The following FARS2 variants were observed in gnomAD, a reference collection of about 807,000 sequenced individuals.
FARS2 encodes the protein phenylalanine--tRNA ligase, mitochondrial.
Under a neutral mutation model 46.4 loss-of-function variants are expected in FARS2, and 40 were observed. The ratio of observed to expected loss-of-function variants is 0.86; its 90% CI spans 0.67 to 1.12. The LOEUF (loss-of-function observed/expected upper bound fraction) is 1.12, where lower values mean the gene tolerates loss of function less well. Among genes scored for constraint, FARS2 ranks in the 50% most tolerant of loss-of-function variants. The pLI is 0.00. For missense variants in FARS2, 513 were observed against 567.9 expected (o/e 0.90, Z 0.98); for synonymous variants, 234 against 214.9 (o/e 1.09, Z -0.78).
chr6:5,382,458 T>C (rs1759852704), intron 2 of FARS2, among the ~76,000 whole-genome samples: 1 of 152,246 alleles, frequency 6.6e-6, no homozygotes, highest in Admixed American at 6.5e-5. Context: ...ATGATTTTTA[T>C]TTAAACTTTA....
chr6:5,677,513 C>T (rs1428876171), intron 6 of FARS2, among the ~76,000 whole-genome samples: 1 of 152,316 alleles, frequency 6.6e-6, no homozygotes, highest in Non-Finnish European at 1.5e-5. Context: ...AAATACTTTC[C>T]AACAATCAGA....
chr6:5,371,026 T>A (rs989213982), intron 2 of FARS2: 7 of 174,592 alleles, frequency 4.0e-5, no homozygotes, highest in Non-Finnish European at 6.8e-5. Context: ...TACCCAAAGT[T>A]GCTGAAGCAG....
chr6:5,532,537 G>A (rs182548654), intron 4 of FARS2, among the ~76,000 whole-genome samples: 39 of 152,270 alleles, frequency 2.6e-4, no homozygotes, highest in Non-Finnish European at 4.4e-4. Context: ...GGATCACAGC[G>A]TCAGGCGTTC....
intron 4 of FARS2, among the ~76,000 whole-genome samples, chr6:5,524,273 G>C (rs1769328669): frequency 6.6e-6 from 1 of 152,220 alleles, no homozygotes; most frequent in African/African-American, 2.4e-5. Context: ...GGGTTTCAAG[G>C]ATGAAGGGCA....
chr6:5,264,383 A>G (rs1314837761), intron 1 of FARS2, among the ~76,000 whole-genome samples: 1 of 152,224 alleles, frequency 6.6e-6, no homozygotes, highest in African/African-American at 2.4e-5. Flanking sequence ...ATATCAACTC[A>G]TTCATTTGTA....
At chr6:5,313,843 TTAAAATAAAA>T (rs138853513) in intron 1 of FARS2, among the ~76,000 whole-genome samples, 1,858 of 151,274 alleles carry the variant, frequency 0.012, 13 homozygotes, top group Non-Finnish European at 0.018. Flanking sequence ...AAAATTAAAT[TTAAAATAAAA>T]TAAAATAAAA....
chr6:5,526,511 G>A (rs1235837719), intron 4 of FARS2, among the ~76,000 whole-genome samples: 2 of 152,170 alleles, frequency 1.3e-5, no homozygotes, highest in African/African-American at 4.8e-5. Context: ...AATTATAACA[G>A]TGTGACAAGA....
At chr6:5,543,377 G>GT (rs33960204) in intron 4 of FARS2, among the ~76,000 whole-genome samples, 61,621 of 143,802 alleles carry the variant, frequency 0.43, 13,869 homozygotes, top group East Asian at 0.77. Context: ...GTTGGTGGTG[G>GT]TTTTTTTTTT....
At chr6:5,361,259 G>T (rs1206121519) in intron 1 of FARS2, among the ~76,000 whole-genome samples, 1 of 152,126 alleles carries the variant, frequency 6.6e-6, no homozygotes, top group African/African-American at 2.4e-5. Flanking sequence ...TTTAATGACT[G>T]CATAATATTT....
chr6:5,503,717 A>G (rs1767942952), intron 4 of FARS2, among the ~76,000 whole-genome samples: 1 of 152,164 alleles, frequency 6.6e-6, no homozygotes. Flanking sequence ...ATGTACAGAT[A>G]TTTATATCTT....
At chr6:5,700,867 G>A (rs759695117) in intron 6 of FARS2, among the ~76,000 whole-genome samples, 2 of 152,170 alleles carry the variant, frequency 1.3e-5, no homozygotes, top group Admixed American at 6.5e-5. Context: ...GAGTCCTGTC[G>A]TTTGGGGGAG....
intron 4 of FARS2, among the ~76,000 whole-genome samples, chr6:5,542,129 G>C (rs1368493267): frequency 6.6e-6 from 1 of 152,070 alleles, no homozygotes; most frequent in East Asian, 1.9e-4. Flanking sequence ...TCTCAGCAGG[G>C]TTTTTGTGAC....
At chr6:5,318,810 G>A (rs1769751028) in intron 1 of FARS2, among the ~76,000 whole-genome samples, 1 of 152,126 alleles carries the variant, frequency 6.6e-6, no homozygotes, top group Non-Finnish European at 1.5e-5. Context: ...CTGATTGGTT[G>A]CAGGAGGGGA....
intron 5 of FARS2, among the ~76,000 whole-genome samples, chr6:5,570,797 C>CAG (rs78441096): frequency 0.8 from 121,370 of 151,878 alleles, 48,579 homozygotes; most frequent in East Asian, 0.88. Context: ...CCTCTGGAAA[C>CAG]GGGGGTAATC....
chr6:5,507,768 C>G (rs926814800), intron 4 of FARS2, among the ~76,000 whole-genome samples: 1 of 152,186 alleles, frequency 6.6e-6, no homozygotes, highest in African/African-American at 2.4e-5. Context: ...TGATGGCACA[C>G]AGAGAGAAGA....
At chr6:5,507,582 G>A (rs1272236200) in intron 4 of FARS2, among the ~76,000 whole-genome samples, 3 of 152,226 alleles carry the variant, frequency 2.0e-5, no homozygotes, top group Non-Finnish European at 4.4e-5. Flanking sequence ...AGGGGCTCAT[G>A]ATGGCTTTAA....
chr6:5,420,514 T>C (rs530386922), intron 3 of FARS2, among the ~76,000 whole-genome samples: 2 of 152,256 alleles, frequency 1.3e-5, no homozygotes, highest in South Asian at 4.1e-4. Flanking sequence ...CCTTTCCAAA[T>C]GGGAGAAATT....
At chr6:5,258,650 C>T (rs1222934572), upstream of FARS2, among the ~76,000 whole-genome samples, 1 of 152,110 alleles carries the variant, frequency 6.6e-6, no homozygotes, top group Non-Finnish European at 1.5e-5. Context: ...GAGGTAATAG[C>T]AGGAATGTCG....
chr6:5,608,616 A>T (rs112625068), intron 5 of FARS2, among the ~76,000 whole-genome samples: 19,816 of 99,390 alleles, frequency 0.2, 1,626 homozygotes, highest in Non-Finnish European at 0.28. Context: ...TTCAATTTAG[A>T]TATATTGCAT....
Sources: allele counts gnomAD v4.1 joint callset (sites outside exome capture counted in the v4.1 genomes callset), GRCh38; gene constraint gnomAD v4.1.1; transcripts MANE v1.5; gene names NCBI Gene and HGNC (gene_info 2026-07-23, HGNC 2026-07-21).